Variants in DIP2C observed in about 807,000 individuals in gnomAD.
The protein encoded by DIP2C is disco-interacting protein 2 homolog C.
A neutral mutation model predicts 192.4 loss-of-function variants in DIP2C; 33 were observed. The observed-to-expected ratio is 0.17, with a 90% CI of 0.13 to 0.23. DIP2C has a LOEUF of 0.23. Ranked by LOEUF, DIP2C falls within the 10% of genes least tolerant of loss-of-function variation. The pLI is 1.00. For missense variants in DIP2C, 1,537 were observed against 2,110.1 expected, an observed-to-expected ratio of 0.73 and a Z score of 5.32; for synonymous variants, 979 against 864.1, an observed-to-expected ratio of 1.13 and a Z score of -2.33.
chr10:660,959 A>G (rs1223161120), intron 1 of DIP2C, among the ~76,000 whole-genome samples: 1 of 152,262 alleles, frequency 6.6e-6, no homozygotes, highest in East Asian at 1.9e-4. Context: ...AACAACACCT[A>G]GCCAAAAATA....
At chr10:579,668 T>C (rs530542203) in intron 1 of DIP2C, among the ~76,000 whole-genome samples, 2 of 152,040 alleles carry the variant, frequency 1.3e-5, no homozygotes, top group East Asian at 1.9e-4. Context: ...ATCCATAGTG[T>C]ATGTACGTAA....
At chr10:655,487 A>G (rs955926495) in intron 1 of DIP2C, among the ~76,000 whole-genome samples, 2 of 151,582 alleles carry the variant, frequency 1.3e-5, no homozygotes, top group African/African-American at 4.9e-5. Flanking sequence ...ACTATTCCAC[A>G]CTACGCTACG....
At chr10:657,420 C>G (rs1482913150) in intron 1 of DIP2C, among the ~76,000 whole-genome samples, 1 of 14,250 alleles carries the variant, frequency 7.0e-5, no homozygotes, top group African/African-American at 2.2e-4. Flanking sequence ...TGGACCTGTC[C>G]CTGGACCTGT....
At chr10:527,176 G>A (rs1357690302) in intron 1 of DIP2C, among the ~76,000 whole-genome samples, 1 of 152,200 alleles carries the variant, frequency 6.6e-6, no homozygotes, top group Admixed American at 6.5e-5. Context: ...CAAAGGCCCC[G>A]TACCGTGCGA....
chr10:650,190 T>C (rs1240663610), intron 1 of DIP2C: 2 of 716,932 alleles, frequency 2.8e-6, no homozygotes, highest in South Asian at 3.0e-5. Flanking sequence ...TCCTGCGGGG[T>C]GGGTGGTGCT....
At chr10:479,116 G>C (rs1843396335) in intron 2 of DIP2C, among the ~76,000 whole-genome samples, 1 of 152,144 alleles carries the variant, frequency 6.6e-6, no homozygotes, top group Non-Finnish European at 1.5e-5. Flanking sequence ...ATTCTCTCCA[G>C]GTCTCAATTA....
chr10:572,691 CA>C (rs77078972), intron 1 of DIP2C, among the ~76,000 whole-genome samples: 9 of 152,014 alleles, frequency 5.9e-5, no homozygotes, highest in Non-Finnish European at 1.0e-4. Context: ...CCATAATAGA[CA>C]AAAAAAAGTT....
intron 1 of DIP2C, among the ~76,000 whole-genome samples, chr10:590,104 G>A (rs930029191): frequency 2.6e-5 from 4 of 152,216 alleles, no homozygotes; most frequent in African/African-American, 7.2e-5. Context: ...GGGAGGTCCC[G>A]GGAGTGACGT....
chr10:390,696 CAAAG>C (rs1963393716), intron 11 of DIP2C, 40 bp downstream of exon 11: 1 of 1,591,154 alleles, frequency 6.3e-7, no homozygotes, highest in East Asian at 2.2e-5. Context: ...CGTCTTCTGA[CAAAG>C]GACGTGGGCA....
Position 647,114 on chromosome 10 carries a change from G to C in DIP2C, c.85+42380C>G, listed in dbSNP as rs192111246. The stretch of plus-strand genomic sequence containing the variant: ...GTGGGAGAGAACAGAGGGAAACTGA[G>C]TCCACGTCCACATTTGACGGTGGGA... On this transcript the variant is annotated intron_variant, in intron 1 of 36. Transcript: ENST00000280886. Among the ~76,000 whole-genome samples, 13 of 152,214 alleles carry C rather than the reference G, an allele frequency of 8.5e-5. No individual in the cohort carries two copies. The East Asian group carries it at 2.5e-3, about 29-fold the overall frequency.
intron 1 of DIP2C, among the ~76,000 whole-genome samples, chr10:569,985 C>T (rs912095657): frequency 9.2e-4 from 140 of 152,330 alleles, no homozygotes; most frequent in African/African-American, 3.0e-3. Flanking sequence ...TTTTAGGGTC[C>T]TATCAGCTCA....
chr10:286,084 T>C (rs549819182), intron 34 of DIP2C, among the ~76,000 whole-genome samples, 189 bp downstream of exon 34: 67 of 152,366 alleles, frequency 4.4e-4, no homozygotes, highest in Non-Finnish European at 8.4e-4. Flanking sequence ...CATTTTGTAA[T>C]TGTGAGCTTT....
At chr10:499,439 G>A (rs1845076448) in intron 1 of DIP2C, among the ~76,000 whole-genome samples, 1 of 152,242 alleles carries the variant, frequency 6.6e-6, no homozygotes, top group East Asian at 1.9e-4. Context: ...AGTTACACAT[G>A]GCTGGGGAGA....
At chr10:396,406 C>A (rs1341201118) in intron 10 of DIP2C, among the ~76,000 whole-genome samples, 2 of 152,162 alleles carry the variant, frequency 1.3e-5, no homozygotes, top group Non-Finnish European at 2.9e-5. Flanking sequence ...TGGAGGACAC[C>A]AGGCTATACA....
chr10:418,714 A>G (rs1589751103), intron 6 of DIP2C, among the ~76,000 whole-genome samples: 1 of 152,244 alleles, frequency 6.6e-6, no homozygotes, highest in Non-Finnish European at 1.5e-5. Flanking sequence ...TTGCTCTTCT[A>G]AGTGACTGTT....
intron 1 of DIP2C, among the ~76,000 whole-genome samples, chr10:559,175 AC>A (rs1849061634): frequency 6.6e-6 from 1 of 152,142 alleles, no homozygotes; most frequent in Non-Finnish European, 1.5e-5. Context: ...TGCTCATGAG[AC>A]CCTTTGGAGG....
At position 579,128 on chromosome 10, in the gene DIP2C, CAT is replaced by C. The variant is rs151265886; in HGVS notation, c.86-92600_86-92599del. 3.9e-3 allele frequency among the ~76,000 whole-genome samples: 587 copies of C among 150,688 alleles called. 2 individuals are homozygous for C. Among genetic ancestry groups the C allele is most frequent in the Non-Finnish European group, 6.4e-3 (435 of 67,980 alleles). On this transcript the variant is annotated intron_variant, in intron 1 of 36. Transcript: ENST00000280886. ...TAGTGTAGGTACATAGGTACACTAA[CAT>C]GTGTACATGCGTAGAGCATACACCC...
At chr10:325,454 C>T (rs1437851955) in intron 31 of DIP2C, among the ~76,000 whole-genome samples, 2 of 152,210 alleles carry the variant, frequency 1.3e-5, no homozygotes, top group Non-Finnish European at 2.9e-5. Flanking sequence ...GCCACCTTGA[C>T]ATTTTAAGAG....
intron 32 of DIP2C, among the ~76,000 whole-genome samples, chr10:297,854 C>T (rs981648103): frequency 2.0e-5 from 3 of 152,142 alleles, no homozygotes; most frequent in Non-Finnish European, 2.9e-5. Context: ...TCTAATATCC[C>T]GATCTGCTAA....
Sources: gnomAD v4.1 joint callset for allele counts (sites outside exome capture counted in the v4.1 genomes callset) on GRCh38, gnomAD v4.1.1 for gene constraint, MANE v1.5 for transcripts, NCBI Gene and HGNC (gene_info 2026-07-23, HGNC 2026-07-21) for gene names.